ERC2: variants seen among roughly 807,000 people sequenced by gnomAD.
ERC2 encodes ERC protein 2.
ERC2 carries 42 observed loss-of-function variants against 114.8 expected under a neutral mutation model. That is an observed-to-expected ratio of 0.37 (90% CI 0.29 to 0.47). The LOEUF (loss-of-function observed/expected upper bound fraction) is 0.47. ERC2 is among the 20% of genes least tolerant of loss of function. The pLI is 0.99. For synonymous variants in ERC2, 454 were observed against 425.5 expected, an observed-to-expected ratio of 1.07 and a Z score of -0.82; for missense variants, 939 against 1,150.7, an observed-to-expected ratio of 0.82 and a Z score of 2.66.
intron 13 of ERC2, among the ~76,000 whole-genome samples, chr3:55,924,461 G>A (rs947771631): frequency 2.0e-5 from 3 of 152,102 alleles, no homozygotes; most frequent in African/African-American, 7.2e-5. Flanking sequence ...TCTATCTTCA[G>A]TCCAGATCTC....
At chr3:56,239,988 G>A (rs1169760644) in intron 3 of ERC2, among the ~76,000 whole-genome samples, 1 of 152,200 alleles carries the variant, frequency 6.6e-6, no homozygotes, top group African/African-American at 2.4e-5. Flanking sequence ...CAGGAAAGAG[G>A]GGGAACATTA....
chr3:55,739,104 G>T (rs2065820727), intron 14 of ERC2, among the ~76,000 whole-genome samples: 1 of 152,132 alleles, frequency 6.6e-6, no homozygotes, highest in South Asian at 2.1e-4. Context: ...CTTTTTTATG[G>T]CTGCATACTA....
At chr3:55,589,633 C>T (rs765011760) in intron 17 of ERC2, among the ~76,000 whole-genome samples, 7 of 152,042 alleles carry the variant, frequency 4.6e-5, no homozygotes, top group Admixed American at 6.6e-5. Context: ...GGAGCTTATA[C>T]GTGAATTCCC....
intron 17 of ERC2, among the ~76,000 whole-genome samples, chr3:55,549,497 T>TC (rs58929162): frequency 1.3e-4 from 20 of 149,940 alleles, no homozygotes; most frequent in Non-Finnish European, 2.4e-4. Flanking sequence ...TTTTTTTTTT[T>TC]CCTGTGCTTT....
chr3:55,637,734 C>G (rs1163247369), intron 17 of ERC2, among the ~76,000 whole-genome samples: 1 of 152,062 alleles, frequency 6.6e-6, no homozygotes, highest in Non-Finnish European at 1.5e-5. Context: ...AAAGAACCTG[C>G]TCTCTCTATC....
chr3:55,836,409 T>C (rs1454668264), intron 14 of ERC2, among the ~76,000 whole-genome samples: 2 of 152,108 alleles, frequency 1.3e-5, no homozygotes, highest in African/African-American at 2.4e-5. Context: ...AACAGAGATA[T>C]AGATCAATGG....
chr3:55,941,224 C>T (rs543747327), intron 13 of ERC2, among the ~76,000 whole-genome samples: 11 of 152,102 alleles, frequency 7.2e-5, no homozygotes, highest in African/African-American at 1.9e-4. Context: ...GGATCAGTTG[C>T]GTGTACCTGC....
At chr3:56,271,145 C>T (rs1300720960) in intron 3 of ERC2, among the ~76,000 whole-genome samples, 3 of 152,174 alleles carry the variant, frequency 2.0e-5, no homozygotes, top group Non-Finnish European at 2.9e-5. Context: ...CAGTGGTTCC[C>T]ACTTTATCCA....
rs971163091 is a variant in ERC2 at position 55,590,969 on chromosome 3, T to C, written c.*40-79693A>G. On this transcript the variant is annotated intron_variant, in intron 17 of 17. Transcript: ENST00000288221. ...TCAGCTTCCTGAGTAGCTGGGATTA[T>C]ATGCACCCGCCACCACGTCCAGCTA... is the stretch of plus-strand genomic sequence containing the variant. Among the ~76,000 whole-genome samples the C allele has an allele frequency of 4.6e-5, 7 of 152,044 alleles. 1 individual carries two copies. Among genetic ancestry groups the C allele is most frequent in the Admixed American group, 2.6e-4 (4 of 15,266 alleles).
intron 3 of ERC2, among the ~76,000 whole-genome samples, chr3:56,252,048 G>A (rs1404462838): frequency 6.6e-6 from 1 of 152,140 alleles, no homozygotes; most frequent in Non-Finnish European, 1.5e-5. Flanking sequence ...TTTGTAACCC[G>A]AGGGCTGGGT....
chr3:56,092,829 T>C (rs953254717), intron 6 of ERC2, among the ~76,000 whole-genome samples: 12 of 152,204 alleles, frequency 7.9e-5, no homozygotes, highest in Non-Finnish European at 1.3e-4. Flanking sequence ...ATTCATATTG[T>C]GCTTTCCCTT....
intron 13 of ERC2, among the ~76,000 whole-genome samples, chr3:55,922,725 A>G (rs866589448): frequency 6.6e-5 from 10 of 152,262 alleles, no homozygotes; most frequent in Non-Finnish European, 2.9e-5. Flanking sequence ...CTTGCTCTTT[A>G]AAGAAACCAG....
intron 7 of ERC2, among the ~76,000 whole-genome samples, chr3:56,049,287 C>T (rs1576708251): frequency 6.6e-6 from 1 of 152,176 alleles, no homozygotes; most frequent in Non-Finnish European, 1.5e-5. Flanking sequence ...CACAGCCAAG[C>T]AGGCGAGATT....
chr3:56,210,837 T>TACTG (rs1369543310), intron 3 of ERC2, among the ~76,000 whole-genome samples: 1 of 152,168 alleles, frequency 6.6e-6, no homozygotes, highest in Non-Finnish European at 1.5e-5. Flanking sequence ...AAGTTACATA[T>TACTG]ACTGACACTT....
intron 17 of ERC2, among the ~76,000 whole-genome samples, chr3:55,553,763 G>A (rs1033878937): frequency 2.0e-5 from 3 of 151,996 alleles, no homozygotes; most frequent in African/African-American, 7.2e-5. Context: ...CTGGGTGACA[G>A]AGTGAGACTC....
At chr3:55,626,377 C>A (rs973685345) in intron 17 of ERC2, among the ~76,000 whole-genome samples, 2 of 152,168 alleles carry the variant, frequency 1.3e-5, no homozygotes, top group Non-Finnish European at 2.9e-5. Context: ...CTTTAAGAAA[C>A]CAGAAGGAGA....
chr3:56,059,123 G>A (rs1287525156), intron 7 of ERC2, among the ~76,000 whole-genome samples: 2 of 149,674 alleles, frequency 1.3e-5, no homozygotes, highest in African/African-American at 4.9e-5. Context: ...ATGGAGTCTC[G>A]CTCTGTCACC....
In ERC2 at chr3:55,669,063, T is replaced by C. The variant is rs565487960; in HGVS notation, c.*39+14731A>G. Among the ~76,000 whole-genome samples, 13 of 152,326 alleles carry C rather than the reference T, an allele frequency of 8.5e-5. No individual in the cohort carries two copies. In the South Asian group the frequency reaches 2.5e-3, roughly 29 times the overall value. On this transcript the variant is annotated intron_variant, in intron 17 of 17. Transcript: ENST00000288221. The stretch of plus-strand genomic sequence containing the variant: ...TGTAGGCAGGAGCACAAGAGCTTAG[T>C]TTTTCATCTTATCAACAAAGAACCC...
intron 8 of ERC2, among the ~76,000 whole-genome samples, chr3:56,014,127 A>G (rs1030599676): frequency 1.3e-5 from 2 of 152,178 alleles, no homozygotes; most frequent in Non-Finnish European, 2.9e-5. Flanking sequence ...AGATGCAAAC[A>G]GAGTTTGGAA....
Sources: gnomAD v4.1 joint callset for allele counts (sites outside exome capture counted in the v4.1 genomes callset) on GRCh38, gnomAD v4.1.1 for gene constraint, MANE v1.5 for transcripts, NCBI Gene and HGNC (gene_info 2026-07-23, HGNC 2026-07-21) for gene names.